The following CAB39 variants were observed in gnomAD, a reference collection of about 807,000 sequenced individuals.
The protein encoded by CAB39 is calcium binding protein 39, also known as calcium-binding protein 39.
CAB39 carries 8 observed loss-of-function variants against 40.0 expected under a neutral mutation model. The ratio of observed to expected loss-of-function variants is 0.20; its 90% CI spans 0.12 to 0.36. The LOEUF (loss-of-function observed/expected upper bound fraction) is 0.36. CAB39 is among the 10% of genes least tolerant of loss of function. CAB39 has a pLI of 1.00. For synonymous variants in CAB39, 156 were observed against 141.6 expected (o/e 1.10, Z -0.72); for missense variants, 270 against 401.1 (o/e 0.67, Z 2.79).
intron 1 of CAB39, among the ~76,000 whole-genome samples, chr2:230,745,088 T>A (rs1694949490): frequency 6.6e-6 from 1 of 152,248 alleles, no homozygotes; most frequent in African/African-American, 2.4e-5. Context: ...TAAGTGTTTT[T>A]AAACAATACA....
At chr2:230,818,004 A>C (rs1696433777) in intron 8 of CAB39, 107 bp downstream of exon 8, 2 of 990,378 alleles carry the variant, frequency 2.0e-6, no homozygotes, top group Non-Finnish European at 3.0e-6. Context: ...CAGGTGACTT[A>C]ATTAAATTCA....
intron 1 of CAB39, among the ~76,000 whole-genome samples, chr2:230,740,320 T>C (rs867606360): frequency 1.6e-4 from 24 of 152,234 alleles, no homozygotes; most frequent in African/African-American, 5.1e-4. Context: ...GCTAATCAGA[T>C]TTGTAGTTGA....
chr2:230,808,975 T>TA (rs1696253848), intron 5 of CAB39, among the ~76,000 whole-genome samples: 1 of 152,224 alleles, frequency 6.6e-6, no homozygotes, highest in African/African-American at 2.4e-5. Context: ...TTATGGAACT[T>TA]ACAGTGTAGC....
At chr2:230,720,666 C>A (rs1694433411) in intron 1 of CAB39, among the ~76,000 whole-genome samples, 1 of 152,158 alleles carries the variant, frequency 6.6e-6, no homozygotes, top group South Asian at 2.1e-4. Flanking sequence ...GTGATCCGCC[C>A]ACCTCGGCCT....
intron 1 of CAB39, among the ~76,000 whole-genome samples, chr2:230,754,385 C>A (rs934023198): frequency 6.8e-6 from 1 of 146,076 alleles, no homozygotes; most frequent in African/African-American, 2.6e-5. Context: ...CTTCCTCTTC[C>A]CCTCCTTCTT....
intron 2 of CAB39, among the ~76,000 whole-genome samples, chr2:230,786,647 A>G (rs1328580191): frequency 2.0e-5 from 3 of 152,208 alleles, no homozygotes; most frequent in African/African-American, 7.2e-5. Flanking sequence ...AGAATTGTTA[A>G]GAGCTTTAAA....
At chr2:230,728,107 C>A (rs1694619148) in intron 1 of CAB39, among the ~76,000 whole-genome samples, 1 of 152,006 alleles carries the variant, frequency 6.6e-6, no homozygotes, top group African/African-American at 2.4e-5. Flanking sequence ...GGTGTGGTGG[C>A]GCACGCCTGT....
chr2:230,817,601 C>T (rs1430964187), intron 7 of CAB39, among the ~76,000 whole-genome samples, 153 bp from the exon 8 acceptor site: 2 of 152,118 alleles, frequency 1.3e-5, no homozygotes, highest in African/African-American at 4.8e-5. Context: ...GAAGGCCCTT[C>T]GTAGCTTTTA....
chr2:230,738,725 C>T (rs999292941), intron 1 of CAB39, among the ~76,000 whole-genome samples: 1 of 152,176 alleles, frequency 6.6e-6, no homozygotes, highest in African/African-American at 2.4e-5. Flanking sequence ...TGGTTTAGCT[C>T]AGGCTGGTTT....
intron 4 of CAB39, 148 bp from the exon 5 acceptor site, chr2:230,798,581 T>G: frequency 3.3e-6 from 2 of 602,844 alleles, no homozygotes; most frequent in Non-Finnish European, 5.5e-6. Flanking sequence ...CTGCTCCGAC[T>G]GAAATACCTT....
At chr2:230,765,178 A>G (rs1695363796) in intron 2 of CAB39, among the ~76,000 whole-genome samples, 2 of 152,064 alleles carry the variant, frequency 1.3e-5, no homozygotes, top group South Asian at 4.1e-4. Context: ...TTAGTAGAGA[A>G]CAGGGTTTCA....
chr2:230,757,907 G>A (rs1324697384), intron 1 of CAB39, among the ~76,000 whole-genome samples: 1 of 152,078 alleles, frequency 6.6e-6, no homozygotes, highest in Non-Finnish European at 1.5e-5. Flanking sequence ...CATCTGGCTT[G>A]TAGAGCGATC....
At chr2:230,761,599 A>G (rs1695292519) in intron 2 of CAB39, among the ~76,000 whole-genome samples, 1 of 152,226 alleles carries the variant, frequency 6.6e-6, no homozygotes, top group Admixed American at 6.5e-5. Flanking sequence ...GAGTTTGAGG[A>G]GTATACAACT....
intron 5 of CAB39, among the ~76,000 whole-genome samples, chr2:230,805,271 G>A (rs1230879868): frequency 6.6e-6 from 1 of 151,862 alleles, no homozygotes; most frequent in Non-Finnish European, 1.5e-5. Context: ...GGTGGGGGAG[G>A]GATAGCATTA....
intron 1 of CAB39, among the ~76,000 whole-genome samples, chr2:230,734,095 A>G (rs1694743296): frequency 6.6e-6 from 1 of 152,142 alleles, no homozygotes; most frequent in Non-Finnish European, 1.5e-5. Context: ...GAAAGATCTG[A>G]CCCCTGCCCT....
intron 5 of CAB39, among the ~76,000 whole-genome samples, chr2:230,804,254 A>G (rs970767854): frequency 1.3e-5 from 2 of 152,218 alleles, no homozygotes; most frequent in African/African-American, 2.4e-5. Flanking sequence ...TTAATTCAAG[A>G]TGGATTAAAG....
intron 1 of CAB39, among the ~76,000 whole-genome samples, chr2:230,745,061 C>G (rs1559595555): frequency 6.6e-6 from 1 of 152,108 alleles, no homozygotes; most frequent in African/African-American, 2.4e-5. Context: ...AACAGAAAGC[C>G]TTTTTTAAGA....
At chr2:230,739,746 G>T (rs147342494) in intron 1 of CAB39, among the ~76,000 whole-genome samples, 19 of 152,238 alleles carry the variant, frequency 1.2e-4, no homozygotes, top group African/African-American at 4.6e-4. Context: ...CGCCCACCTC[G>T]GCCTCCCAAA....
At chr2:230,714,075 G>C (rs1178804845) in intron 1 of CAB39, 1 of 152,382 alleles carries the variant, frequency 6.6e-6, no homozygotes, top group Non-Finnish European at 1.5e-5. Context: ...GGAAGGGGTA[G>C]CAAAAGCGAG....
Sources: gnomAD v4.1 joint callset for allele counts (sites outside exome capture counted in the v4.1 genomes callset) on GRCh38, gnomAD v4.1.1 for gene constraint, MANE v1.5 for transcripts, NCBI Gene and HGNC (gene_info 2026-07-23, HGNC 2026-07-21) for gene names.